The following ANKRD36 variants were observed in gnomAD, a reference collection of about 807,000 sequenced individuals.
ANKRD36 encodes the protein ankyrin repeat domain-containing protein 36A.
A neutral mutation model predicts 278.1 loss-of-function variants in ANKRD36; 179 were observed. That is an observed-to-expected ratio of 0.64 (90% CI 0.57 to 0.73). ANKRD36 has a LOEUF of 0.73. ANKRD36 is among the 30% of genes least tolerant of loss of function. ANKRD36 has a pLI of 0.00. For missense variants in ANKRD36, 1,159 were observed against 1,956.7 expected, an observed-to-expected ratio of 0.59 and a Z score of 7.69; for synonymous variants, 320 against 641.1, an observed-to-expected ratio of 0.50 and a Z score of 7.57.
chr2:97,161,806 A>G (rs1334044237), intron 17 of ANKRD36, among the ~76,000 whole-genome samples: 1 of 152,254 alleles, frequency 6.6e-6, no homozygotes, highest in African/African-American at 2.4e-5. Flanking sequence ...AGGACCCTAA[A>G]TTTGCAGTGT....
chr2:97,181,934 A>C, intron 26 of ANKRD36, 141 bp downstream of exon 26: 2 of 1,243,920 alleles, frequency 1.6e-6, no homozygotes, highest in African/African-American at 1.5e-5. Context: ...CTCAGGTGAC[A>C]CTGATGCTGC....
intron 46 of ANKRD36, among the ~76,000 whole-genome samples, chr2:97,201,739 A>G (rs1419735309): frequency 8.6e-5 from 13 of 152,024 alleles, no homozygotes; most frequent in East Asian, 3.9e-4. Flanking sequence ...CATCATCGCA[A>G]TTGTGTGCCT....
chr2:97,211,760 T>G lies in ANKRD36; in HGVS notation c.3469+19T>G. On this transcript the variant is annotated intron_variant, in intron 58 of 75. Transcript: ENST00000420699. ...GGGACAGGTAATTTTGCAAACACAT[T>G]TAATATGATGTTCGGTCAGGGTAGA... is the stretch of plus-strand genomic sequence containing the variant. The G allele has an allele frequency of 6.4e-7, 1 of 1,563,878 alleles. No homozygotes were observed. The highest frequency in any genetic ancestry group is 8.7e-7 in the Non-Finnish European group (1 of 1,154,062).
chr2:97,174,238 C>T (rs1223874751), intron 22 of ANKRD36, among the ~76,000 whole-genome samples: 1 of 151,722 alleles, frequency 6.6e-6, no homozygotes, highest in Non-Finnish European at 1.5e-5. Flanking sequence ...GTAAAAACAT[C>T]AGGAGTCTTC....
intron 56 of ANKRD36, among the ~76,000 whole-genome samples, chr2:97,210,343 A>T (rs1368045652): frequency 6.6e-6 from 1 of 151,836 alleles, no homozygotes; most frequent in Non-Finnish European, 1.5e-5. Context: ...TGAGGCAGGA[A>T]GGCGGAATAA....
At chr2:97,221,573 C>G (rs1163032653) in intron 66 of ANKRD36, among the ~76,000 whole-genome samples, 2 of 139,780 alleles carry the variant, frequency 1.4e-5, no homozygotes, top group African/African-American at 5.6e-5. Context: ...GCATAAATGT[C>G]TTCTTTTGAG....
chr2:97,148,103 A>G (rs2044772683), intron 11 of ANKRD36, among the ~76,000 whole-genome samples: 1 of 151,948 alleles, frequency 6.6e-6, no homozygotes, highest in Non-Finnish European at 1.5e-5. Context: ...AGAACCAGGG[A>G]GCTGGAGATT....
At chr2:97,160,827 T>A (rs1461306452) in intron 17 of ANKRD36, among the ~76,000 whole-genome samples, 3 of 152,066 alleles carry the variant, frequency 2.0e-5, no homozygotes, top group African/African-American at 4.8e-5. Context: ...GATGATTTTT[T>A]AAAAATGAGC....
At chr2:97,126,270 A>G (rs2038623286) in intron 5 of ANKRD36, among the ~76,000 whole-genome samples, 1 of 141,738 alleles carries the variant, frequency 7.1e-6, no homozygotes. Context: ...TCACTGATGG[A>G]GATGAACCAT....
At chr2:97,119,224 A>G (rs1405411782) in intron 3 of ANKRD36, among the ~76,000 whole-genome samples, 7 of 8,630 alleles carry the variant, frequency 8.1e-4, no homozygotes, top group African/African-American at 1.4e-3. Flanking sequence ...AATTTTGGTA[A>G]GACTCTGAGG....
chr2:97,178,376 C>G (rs2054988603), intron 22 of ANKRD36, among the ~76,000 whole-genome samples: 1 of 151,934 alleles, frequency 6.6e-6, no homozygotes, highest in Non-Finnish European at 1.5e-5. Context: ...GACACATGCA[C>G]ACGCATGCTT....
rs1212689120 is a variant in ANKRD36 at position 97,129,618 on chromosome 2, G to A, written c.799+2484G>A. Among the ~76,000 whole-genome samples the A allele has an allele frequency of 5.9e-5, 9 of 152,068 alleles. No individual in the cohort carries two copies. In the East Asian group the frequency reaches 1.7e-3, roughly 29 times the overall value. On this transcript the variant is annotated intron_variant, in intron 6 of 75. Transcript: ENST00000420699. ...TTATGGTTTTAGGTCTAACGTTTAA[G>A]TCTTTAATCCATCTTGAATTAATTT...
At chr2:97,198,281 C>A (rs1362684340) in intron 42 of ANKRD36, among the ~76,000 whole-genome samples, 182 bp from the exon 43 acceptor site, 7 of 151,914 alleles carry the variant, frequency 4.6e-5, no homozygotes, top group Non-Finnish European at 1.0e-4. Flanking sequence ...TTTCATGGAG[C>A]CTGTATTCCC....
intron 15 of ANKRD36, among the ~76,000 whole-genome samples, chr2:97,155,213 T>C (rs1048240427): frequency 1.4e-5 from 2 of 142,442 alleles, no homozygotes; most frequent in Non-Finnish European, 3.2e-5. Flanking sequence ...TCTTTTCATT[T>C]CTTGTACACC....
intron 66 of ANKRD36, among the ~76,000 whole-genome samples, chr2:97,220,783 T>C (rs2067373718): frequency 1.4e-5 from 2 of 145,634 alleles, no homozygotes; most frequent in African/African-American, 2.6e-5. Context: ...TAATTTTTTT[T>C]TTTTTTATTA....
In ANKRD36 at chr2:97,200,464, T is replaced by C. The variant is rs1450802444; in HGVS notation, c.2796T>C (p.Asp932=). The C allele has an allele frequency of 1.3e-6, 2 of 1,592,104 alleles. No homozygotes were observed. The highest frequency in any genetic ancestry group is 2.3e-5 in the East Asian group (1 of 43,932). Residue 932 remains aspartate, a synonymous_variant, in exon 46 of 76, where the codon GAT becomes GAC. Coordinates refer to ENST00000420699, the MANE Select transcript of ANKRD36 (RefSeq NM_001354587.1). ...CAAATTCCATTCAGGCCACAAGTGA[T>C]GAGAAGGATTCTTTTTCGAATATAA... ...RKKPSLEATS[D]EKDSFSNITR... is the part of the protein sequence containing the mutation.
At chr2:97,133,625 A>G (rs2040727103) in intron 6 of ANKRD36, among the ~76,000 whole-genome samples, 2 of 151,958 alleles carry the variant, frequency 1.3e-5, no homozygotes, top group Non-Finnish European at 2.9e-5. Flanking sequence ...TGCTTTATGT[A>G]CTTTTATATA....
In ANKRD36 at chr2:97,130,575, A is replaced by G. The variant is rs1251369134; in HGVS notation, c.799+3441A>G. 4.0e-5 allele frequency among the ~76,000 whole-genome samples: 6 copies of G among 151,570 alleles called. No individual in the cohort carries two copies. The South Asian group carries it at 8.4e-4, about 21-fold the overall frequency. ...ACAAACCTGCACGTTGTGCACATGT[A>G]CCCTAAAAGTATGAAAAAAAAAAAG... On this transcript the variant is annotated intron_variant, in intron 6 of 75. Transcript: ENST00000420699.
At chr2:97,199,998 G>C (rs1412659065) in intron 44 of ANKRD36, among the ~76,000 whole-genome samples, 2 of 151,884 alleles carry the variant, frequency 1.3e-5, no homozygotes, top group African/African-American at 4.8e-5. Context: ...TTTTGACATT[G>C]ATTCTCACGT....
Sources: gnomAD v4.1 joint callset for allele counts (sites outside exome capture counted in the v4.1 genomes callset) on GRCh38, gnomAD v4.1.1 for gene constraint, MANE v1.5 for transcripts, NCBI Gene and HGNC (gene_info 2026-07-23, HGNC 2026-07-21) for gene names.